R3HDM2: variants seen among roughly 807,000 people sequenced by gnomAD.
R3HDM2 encodes R3H domain-containing protein 2.
R3HDM2 carries 38 observed loss-of-function variants against 124.5 expected under a neutral mutation model. That is an observed-to-expected ratio of 0.31 (90% CI 0.24 to 0.40). R3HDM2 has a LOEUF of 0.40. Among genes scored for constraint, R3HDM2 ranks in the 10% least tolerant of loss-of-function variants. The pLI, the probability that R3HDM2 is intolerant of heterozygous loss-of-function variation, is 1.00. For missense variants in R3HDM2, 869 were observed against 1,236.9 expected (o/e 0.70, Z 4.46); for synonymous variants, 391 against 448.0 (o/e 0.87, Z 1.61).
In R3HDM2 at chr12:57,256,494, G is replaced by A. The variant is rs759611039; in HGVS notation, c.2467C>T (p.Leu823Phe). The A allele has an allele frequency of 6.3e-7, 1 of 1,587,244 alleles. No homozygotes were observed. Among genetic ancestry groups the A allele is most frequent in the South Asian group, 1.2e-5 (1 of 86,908 alleles). Reference protein sequence around the residue: ...GPAQGDGRYSLLGQPLQYNLS... With the variant: ...GPAQGDGRYSFLGQPLQYNLS... Reference sequence around the variant, plus strand: ...TTGTACTGTAATGGCTGGCCCAAAAGGGAGTAGCGCCCATCACCTAGGGAG... The same window carrying A: ...TTGTACTGTAATGGCTGGCCCAAAAAGGAGTAGCGCCCATCACCTAGGGAG... Residue 823 changes from leucine to phenylalanine, a missense_variant, in exon 22 of 24, where the codon CTT (leucine) becomes TTT (phenylalanine). This residue lies in a region of R3HDM2 where 602 missense variants were observed against 789.2 expected (regional missense o/e 0.76). Coordinates refer to ENST00000402412, the MANE Select transcript of R3HDM2 (RefSeq NM_001394031.1).
At chr12:57,329,412 C>A (rs2057795482) in intron 2 of R3HDM2, among the ~76,000 whole-genome samples, 1 of 152,190 alleles carries the variant, frequency 6.6e-6, no homozygotes, top group Non-Finnish European at 1.5e-5. Flanking sequence ...AATTATGTCA[C>A]TGAGCCTCAG....
At chr12:57,430,492 C>G in intron 1 of R3HDM2, 3 of 928,032 alleles carry the variant, frequency 3.2e-6, no homozygotes, top group Non-Finnish European at 3.9e-6. Flanking sequence ...CCCCCCTGCC[C>G]CCGCACCGCC....
intron 2 of R3HDM2, among the ~76,000 whole-genome samples, chr12:57,331,613 T>C (rs2058200310): frequency 6.6e-6 from 1 of 152,144 alleles, no homozygotes; most frequent in East Asian, 1.9e-4. Context: ...CTGGGCAATA[T>C]AGGGAAACTC....
At chr12:57,428,088 C>A (rs1317536071) in intron 1 of R3HDM2, among the ~76,000 whole-genome samples, 3 of 151,500 alleles carry the variant, frequency 2.0e-5, no homozygotes, top group Non-Finnish European at 4.4e-5. Flanking sequence ...CCACTGCACT[C>A]CAGCCTGGGT....
intron 1 of R3HDM2, among the ~76,000 whole-genome samples, chr12:57,424,131 A>AG (rs2070478272): frequency 6.6e-6 from 1 of 150,504 alleles, no homozygotes; most frequent in Non-Finnish European, 1.5e-5. Context: ...AAAAAAAAAA[A>AG]AAAAAAAAGG....
intron 14 of R3HDM2, among the ~76,000 whole-genome samples, chr12:57,277,742 C>T (rs1013162323): frequency 6.6e-6 from 1 of 152,186 alleles, no homozygotes; most frequent in African/African-American, 2.4e-5. Context: ...GCTACCGCAC[C>T]CAGTCTCAAA....
intron 1 of R3HDM2, among the ~76,000 whole-genome samples, chr12:57,406,331 A>C (rs2068522282): frequency 1.3e-5 from 2 of 151,930 alleles, no homozygotes; most frequent in Non-Finnish European, 2.9e-5. Flanking sequence ...CAAAAAAAAA[A>C]AAAAAAAAAC....
At chr12:57,309,266 G>A (rs938020192) in intron 3 of R3HDM2, among the ~76,000 whole-genome samples, 7 of 152,162 alleles carry the variant, frequency 4.6e-5, no homozygotes, top group African/African-American at 7.2e-5. Context: ...TCTGTCTCTT[G>A]ACTTATAATA....
intron 14 of R3HDM2, among the ~76,000 whole-genome samples, chr12:57,278,302 T>G (rs1254838838): frequency 6.6e-6 from 1 of 152,020 alleles, no homozygotes; most frequent in Non-Finnish European, 1.5e-5. Context: ...AGTAGAAGAT[T>G]GGGGTTTAGG....
At position 57,296,377 on chromosome 12, in the gene R3HDM2, G is replaced by T. The variant is rs1279331136; in HGVS notation, c.701+34C>A. ...CTTCCAACCCAGCAGGTTATCCCAGGGAAGTCTTCCCAAACCATGGTTTCC... is the reference window on the plus strand; with the variant it reads ...CTTCCAACCCAGCAGGTTATCCCAGTGAAGTCTTCCCAAACCATGGTTTCC... On this transcript the variant is annotated intron_variant, in intron 9 of 23. Coordinates refer to ENST00000402412, the MANE Select transcript of R3HDM2 (RefSeq NM_001394031.1). This position sits in a 1 kb window ranked among gnomAD's most constrained non-coding sequence, Gnocchi z 4.5. 3.9e-6 allele frequency: 6 copies of T among 1,550,328 alleles called. No individual in the cohort carries two copies. The highest frequency in any genetic ancestry group is 5.2e-6 in the Non-Finnish European group (6 of 1,145,598).
intron 13 of R3HDM2, 86 bp downstream of exon 13, chr12:57,283,738 A>C: frequency 9.9e-7 from 1 of 1,010,982 alleles, no homozygotes; most frequent in Non-Finnish European, 1.4e-6. Flanking sequence ...ACTCTGTCTC[A>C]AAAAAAAAAG....
At chr12:57,333,014 G>A (rs1197562377) in intron 2 of R3HDM2, among the ~76,000 whole-genome samples, 1 of 152,200 alleles carries the variant, frequency 6.6e-6, no homozygotes, top group African/African-American at 2.4e-5. Flanking sequence ...GACATAAAGT[G>A]TAAGAAGGGA....
chr12:57,273,096 G>C (rs2043952825), intron 14 of R3HDM2, among the ~76,000 whole-genome samples: 1 of 152,004 alleles, frequency 6.6e-6, no homozygotes, highest in African/African-American at 2.4e-5. Context: ...CATTCACAAG[G>C]ATCATCTCCC....
In R3HDM2 at chr12:57,260,263, CAAAAAAAAAA is replaced by C. The variant is rs566868060; in HGVS notation, c.2132-1214_2132-1205del. On this transcript the variant is annotated intron_variant, in intron 19 of 23. Coordinates refer to ENST00000402412, the MANE Select transcript of R3HDM2 (RefSeq NM_001394031.1). ...TGGGTGACAGAATGAGACCCTGCCT[CAAAAAAAAAA>C]AAAAAAAAAAAAGCCTGCTGAAACA... Among the ~76,000 whole-genome samples the C allele has an allele frequency of 5.4e-3, 171 of 31,570 alleles. 10 individuals are homozygous for C. Among genetic ancestry groups the C allele is most frequent in the African/African-American group, 0.02 (159 of 8,126 alleles). 20.7% of individuals were successfully genotyped at this position (31,570 alleles called of 152,430 possible). A position where few individuals can be genotyped will look rare whatever the true frequency, so the allele number is the denominator to read the frequency against.
intron 2 of R3HDM2, among the ~76,000 whole-genome samples, chr12:57,336,977 T>C (rs1159301142): frequency 6.6e-6 from 1 of 152,172 alleles, no homozygotes; most frequent in East Asian, 1.9e-4. Context: ...GAAAATTATT[T>C]GTAAAAAAGT....
At chr12:57,320,261 C>CAAGAAAAAAAAAA (rs2056139298) in intron 2 of R3HDM2, among the ~76,000 whole-genome samples, 1 of 14,276 alleles carries the variant, frequency 7.0e-5, no homozygotes, top group Non-Finnish European at 1.3e-4. Flanking sequence ...AACTCTATCT[C>CAAGAAAAAAAAAA]AAAAAAAAAA....
intron 2 of R3HDM2, among the ~76,000 whole-genome samples, chr12:57,381,670 A>C (rs150992046): frequency 1.3e-5 from 2 of 151,366 alleles, no homozygotes; most frequent in African/African-American, 4.9e-5. Context: ...TGAGAGAAGG[A>C]AAATGGTATC....
chr12:57,306,296 T>G (rs1593024937), intron 3 of R3HDM2, among the ~76,000 whole-genome samples: 1 of 152,196 alleles, frequency 6.6e-6, no homozygotes, highest in South Asian at 2.1e-4. Context: ...TGAAGAGAGT[T>G]AACACAGGCA....
intron 22 of R3HDM2, 139 bp downstream of exon 22, chr12:57,256,275 A>T: frequency 2.3e-6 from 2 of 887,018 alleles, no homozygotes; most frequent in Non-Finnish European, 3.5e-6. Flanking sequence ...AGACATGAGT[A>T]TAGGAGGTAG....
Sources: allele counts gnomAD v4.1 joint callset (sites outside exome capture counted in the v4.1 genomes callset), GRCh38; gene constraint gnomAD v4.1.1; regional missense constraint gnomAD v4.1.1; non-coding constraint Gnocchi (gnomAD v3.1); transcripts MANE v1.5; gene names NCBI Gene and HGNC (gene_info 2026-07-23, HGNC 2026-07-21).